The following SPTBN1 variants were observed in gnomAD, a reference collection of about 807,000 sequenced individuals.
The protein encoded by SPTBN1 is spectrin beta chain, non-erythrocytic 1.
A neutral mutation model predicts 266.4 loss-of-function variants in SPTBN1; 32 were observed. The ratio of observed to expected loss-of-function variants is 0.12; its 90% CI spans 0.09 to 0.16. The LOEUF (loss-of-function observed/expected upper bound fraction) is 0.16, where lower values mean the gene tolerates loss of function less well. Among genes scored for constraint, SPTBN1 ranks in the 10% least tolerant of loss-of-function variants. The pLI is 1.00. For missense variants in SPTBN1, 2,296 were observed against 3,067.1 expected, an observed-to-expected ratio of 0.75 and a Z score of 5.94; for synonymous variants, 1,336 against 1,162.2, an observed-to-expected ratio of 1.15 and a Z score of -3.04.
intron 17 of SPTBN1, among the ~76,000 whole-genome samples, chr2:54,634,073 C>G (rs1678947561): frequency 6.6e-6 from 1 of 152,192 alleles, no homozygotes; most frequent in African/African-American, 2.4e-5. Flanking sequence ...AAAAGAATTT[C>G]CTTTTTTTGT....
Position 54,629,319 on chromosome 2 carries a change from C to A in SPTBN1, c.2185C>A (p.Leu729Ile), listed in dbSNP as rs1477722827. 1 of 1,614,066 alleles carries A rather than the reference C, an allele frequency of 6.2e-7. No individual in the cohort carries two copies. Reference sequence around the variant, plus strand: ...TTACATCCGGGAGCAGTGGGCCAACCTAGAGCAGCTCTCGGCCATTCGGAA... The same window carrying A: ...TTACATCCGGGAGCAGTGGGCCAACATAGAGCAGCTCTCGGCCATTCGGAA... Reference protein sequence around the residue: ...IIYIREQWANLEQLSAIRKKR... With the variant: ...IIYIREQWANIEQLSAIRKKR... Residue 729 changes from leucine (L) to isoleucine (I), a missense_variant, in exon 14 of 36, where the codon CTA becomes ATA. Leu to Ile is a conservative substitution (Grantham distance 5, BLOSUM62 2). Transcript: ENST00000356805.
intron 28 of SPTBN1, 85 bp downstream of exon 28, chr2:54,655,293 A>G: frequency 6.5e-7 from 1 of 1,527,954 alleles, no homozygotes; most frequent in Non-Finnish European, 8.9e-7. Flanking sequence ...TGTCAGAGAT[A>G]CTGTGTTTAC....
chr2:54,598,607 A>C (rs1175710657), intron 2 of SPTBN1, among the ~76,000 whole-genome samples: 1 of 151,972 alleles, frequency 6.6e-6, no homozygotes, highest in Non-Finnish European at 1.5e-5. Flanking sequence ...GAGATTTCCT[A>C]CCCTACACCC....
At chr2:54,480,258 G>A (rs1156727997) in intron 1 of SPTBN1, among the ~76,000 whole-genome samples, 4 of 152,202 alleles carry the variant, frequency 2.6e-5, no homozygotes, top group African/African-American at 9.7e-5. Context: ...TGGTTGGGAG[G>A]TTGAGTGGGT....
At chr2:54,648,899 C>T (rs957985323) in intron 24 of SPTBN1, 87 bp from the exon 25 acceptor site, 1 of 1,219,954 alleles carries the variant, frequency 8.2e-7, no homozygotes, top group African/African-American at 1.5e-5. Context: ...ATATGCTCTC[C>T]CATTATCTCC....
rs1179163649 is a variant in SPTBN1, at chr2:54,514,904, AC to A, written c.-47-11463del. ...AGTTTAAAACAAAGATGATAACAAAACCCCCTTCTTGCCTGGGGACTAGATT... is the reference window on the plus strand; with the variant it reads ...AGTTTAAAACAAAGATGATAACAAAACCCCTTCTTGCCTGGGGACTAGATT... On this transcript the variant is annotated intron_variant, in intron 1 of 35. Coordinates refer to ENST00000356805, the MANE Select transcript of SPTBN1 (RefSeq NM_003128.3). Among the ~76,000 whole-genome samples the A allele has an allele frequency of 3.9e-5, 6 of 151,950 alleles. No individual in the cohort carries two copies. In the East Asian group the frequency reaches 1.2e-3, roughly 29 times the overall value.
chr2:54,667,210 G>A (rs966317854), intron 34 of SPTBN1, among the ~76,000 whole-genome samples: 3 of 152,178 alleles, frequency 2.0e-5, no homozygotes, highest in Non-Finnish European at 4.4e-5. Context: ...GTGAATGTAG[G>A]GGATACAAGC....
At chr2:54,551,457 A>G (rs1412728910) in intron 2 of SPTBN1, among the ~76,000 whole-genome samples, 4 of 152,236 alleles carry the variant, frequency 2.6e-5, no homozygotes, top group Non-Finnish European at 5.9e-5. Context: ...GAAGCTTTGC[A>G]TGTGTAGATA....
chr2:54,500,828 G>T (rs1669220430), intron 1 of SPTBN1, among the ~76,000 whole-genome samples: 1 of 152,160 alleles, frequency 6.6e-6, no homozygotes. Flanking sequence ...GTGAGTCACT[G>T]TGCCTGGCTG....
chr2:54,657,737 A>T, intron 29 of SPTBN1, 113 bp from the exon 30 acceptor site: 1 of 1,277,908 alleles, frequency 7.8e-7, no homozygotes, highest in Non-Finnish European at 1.1e-6. Flanking sequence ...AGTAGACGAT[A>T]GACTGGTTAT....
intron 2 of SPTBN1, among the ~76,000 whole-genome samples, chr2:54,582,470 A>G (rs1454009902): frequency 6.6e-6 from 1 of 151,558 alleles, no homozygotes; most frequent in African/African-American, 2.4e-5. Context: ...AGGCTGAGGC[A>G]GGAGAATGGC....
At chr2:54,657,109 A>G (rs901111380) in intron 29 of SPTBN1, among the ~76,000 whole-genome samples, 2 of 152,268 alleles carry the variant, frequency 1.3e-5, no homozygotes, top group African/African-American at 2.4e-5. Context: ...AGTGTTAACT[A>G]TAGCAGAAAG....
At chr2:54,568,349 C>CAAAAAAAA (rs888478845) in intron 2 of SPTBN1, among the ~76,000 whole-genome samples, 2 of 95,676 alleles carry the variant, frequency 2.1e-5, no homozygotes, top group African/African-American at 4.1e-5. Flanking sequence ...GACTCTGTCT[C>CAAAAAAAA]AAAAAAAAAA....
intron 2 of SPTBN1, among the ~76,000 whole-genome samples, chr2:54,592,397 T>TTA (rs1553454814): frequency 6.6e-6 from 1 of 151,634 alleles, no homozygotes; most frequent in Non-Finnish European, 1.5e-5. Context: ...TCTTTTTTTT[T>TTA]ATCTGAGACA....
At position 54,611,454 on chromosome 2, in the gene SPTBN1, A is replaced by G. The variant is rs142992375; in HGVS notation, c.301-707A>G. ...TTATAGTAGATGTATATATACACATATGCATTATCTACTCTCTCTCTATAT... is the reference window on the plus strand; with the variant it reads ...TTATAGTAGATGTATATATACACATGTGCATTATCTACTCTCTCTCTATAT... On this transcript the variant is annotated intron_variant, in intron 3 of 35. Transcript: ENST00000356805. Among the ~76,000 whole-genome samples the G allele has an allele frequency of 8.1e-3, 1,225 of 152,026 alleles. 17 individuals are homozygous for G. The highest frequency in any genetic ancestry group is 0.026 in the African/African-American group (1,077 of 41,442).
In SPTBN1 at chr2:54,668,938, C is replaced by A; in HGVS notation, c.*369C>A. On this transcript the variant is annotated 3_prime_UTR_variant, in exon 36 of 36. Coordinates refer to ENST00000356805, the MANE Select transcript of SPTBN1 (RefSeq NM_003128.3). ...CAATATTTCCTGTGCTCACCAGAGG[C>A]AAAATGTACCAATATCCTGACACCA... is the stretch of plus-strand genomic sequence containing the variant. 1 of 238,870 alleles carries A rather than the reference C, an allele frequency of 4.2e-6. No individual in the cohort carries two copies. The allele number at this position is 238,870 out of a possible 1,614,324, so 14.8% of individuals were successfully genotyped here.
chr2:54,569,978 C>CT (rs891726787), intron 2 of SPTBN1, among the ~76,000 whole-genome samples: 1 of 149,520 alleles, frequency 6.7e-6, no homozygotes, highest in Non-Finnish European at 1.5e-5. Flanking sequence ...CATTCCCCCC[C>CT]CCCTTTAGAA....
intron 1 of SPTBN1, among the ~76,000 whole-genome samples, chr2:54,508,744 CTAGCTGCTTTTT>C (rs1388187612): frequency 2.0e-5 from 3 of 152,174 alleles, no homozygotes; most frequent in Non-Finnish European, 4.4e-5. Context: ...AGTTGGAACG[CTAGCTGCTTTTT>C]TAGCTATCTT....
rs1049212870 is a variant in SPTBN1, at chr2:54,669,020, G to A, written c.*451G>A. On this transcript the variant is annotated 3_prime_UTR_variant, in exon 36 of 36. Coordinates refer to ENST00000356805, the MANE Select transcript of SPTBN1 (RefSeq NM_003128.3). ...TGACTCTTGACTCTTAGAAGTGCCCGAGATGGGGCTAACCTTTATTAAACA... is the reference window on the plus strand; with the variant it reads ...TGACTCTTGACTCTTAGAAGTGCCCAAGATGGGGCTAACCTTTATTAAACA... The A allele has an allele frequency of 5.2e-5, 10 of 193,188 alleles. No individual in the cohort carries two copies. Among genetic ancestry groups the A allele is most frequent in the Admixed American group, 2.1e-4 (4 of 18,664 alleles). The allele number at this position is 193,188 out of a possible 1,614,324, so 12.0% of individuals were successfully genotyped here.
Sources: allele counts gnomAD v4.1 joint callset (sites outside exome capture counted in the v4.1 genomes callset), GRCh38; gene constraint gnomAD v4.1.1; transcripts MANE v1.5; gene names NCBI Gene and HGNC (gene_info 2026-07-23, HGNC 2026-07-21).